KIF26B: variants seen among roughly 807,000 people sequenced by gnomAD.
The protein encoded by KIF26B is kinesin family member 26B.
Under a neutral mutation model 151.2 loss-of-function variants are expected in KIF26B, and 63 were observed. That is an observed-to-expected ratio of 0.42 (90% CI 0.34 to 0.51). The LOEUF is 0.51. Among genes scored for constraint, KIF26B ranks in the 20% least tolerant of loss-of-function variants. The pLI is 0.07. For synonymous variants in KIF26B, 1,357 were observed against 1,262.1 expected (o/e 1.08, Z -1.59); for missense variants, 2,813 against 2,913.6 (o/e 0.97, Z 0.79).
chr1:245,526,365 C>T (rs1661235912), intron 4 of KIF26B, among the ~76,000 whole-genome samples: 1 of 152,220 alleles, frequency 6.6e-6, no homozygotes, highest in African/African-American at 2.4e-5. Flanking sequence ...AACATCTGCC[C>T]AGGTCTTGGT....
chr1:245,379,372 T>C (rs1673349309), intron 3 of KIF26B, among the ~76,000 whole-genome samples: 1 of 152,168 alleles, frequency 6.6e-6, no homozygotes, highest in African/African-American at 2.4e-5. Flanking sequence ...ATTTAAAATT[T>C]TACAGCGTAG....
At chr1:245,322,254 G>T (rs1426253554) in intron 2 of KIF26B, among the ~76,000 whole-genome samples, 1 of 152,076 alleles carries the variant, frequency 6.6e-6, no homozygotes, top group Non-Finnish European at 1.5e-5. Flanking sequence ...AGAGCATTAG[G>T]ACAAATACCT....
intron 2 of KIF26B, among the ~76,000 whole-genome samples, chr1:245,219,856 G>T (rs1006355831): frequency 6.6e-6 from 1 of 152,212 alleles, no homozygotes; most frequent in African/African-American, 2.4e-5. Context: ...AGTTGGCTGC[G>T]CCAGGGGACA....
At chr1:245,261,467 T>TTCTC (rs376897211) in intron 2 of KIF26B, among the ~76,000 whole-genome samples, 1 of 112,158 alleles carries the variant, frequency 8.9e-6, no homozygotes. Flanking sequence ...TTTTCTTTCT[T>TTCTC]TCTCTCTCTC....
At chr1:245,214,710 C>T (rs61832171) in intron 2 of KIF26B, among the ~76,000 whole-genome samples, 14,675 of 151,914 alleles carry the variant, frequency 0.097, 827 homozygotes, top group Middle Eastern at 0.15. Flanking sequence ...CTTGGTGGTG[C>T]GCACCTGTAA....
intron 2 of KIF26B, among the ~76,000 whole-genome samples, chr1:245,169,640 G>A (rs1263234209): frequency 2.0e-5 from 3 of 152,026 alleles, no homozygotes; most frequent in African/African-American, 4.8e-5. Flanking sequence ...CGATACAAAG[G>A]CATGGTTTCA....
At chr1:245,556,685 A>C (rs552593206) in intron 5 of KIF26B, among the ~76,000 whole-genome samples, 4 of 139,786 alleles carry the variant, frequency 2.9e-5, no homozygotes, top group African/African-American at 1.0e-4. Flanking sequence ...TACAGGCATG[A>C]GCCACTGCAT....
intron 2 of KIF26B, among the ~76,000 whole-genome samples, chr1:245,333,789 G>T (rs2102992397): frequency 6.6e-6 from 1 of 152,290 alleles, no homozygotes; most frequent in African/African-American, 2.4e-5. Context: ...CTTGGGGTCA[G>T]GAGTTTGAGA....
At chr1:245,389,860 A>G (rs979238623) in intron 3 of KIF26B, among the ~76,000 whole-genome samples, 102 of 152,326 alleles carry the variant, frequency 6.7e-4, no homozygotes, top group East Asian at 1.9e-4. Flanking sequence ...ATTAATATTC[A>G]TCTCCCTATT....
chr1:245,259,215 ATC>A (rs1177335933), intron 2 of KIF26B, among the ~76,000 whole-genome samples: 2 of 152,062 alleles, frequency 1.3e-5, no homozygotes, highest in Non-Finnish European at 2.9e-5. Context: ...GTACATTATT[ATC>A]TCTTCATTGT....
chr1:245,672,712 G>A (rs73125129), intron 10 of KIF26B, among the ~76,000 whole-genome samples: 5,601 of 152,110 alleles, frequency 0.037, 336 homozygotes, highest in African/African-American at 0.13. Context: ...AAGTCTGGAG[G>A]CTGGAAGTAA....
intron 5 of KIF26B, among the ~76,000 whole-genome samples, chr1:245,545,802 A>AAC (rs1553286321): frequency 2.0e-5 from 3 of 151,288 alleles, no homozygotes; most frequent in African/African-American, 4.9e-5. Context: ...CTCCTAAGTC[A>AAC]GTTCTTCATG....
chr1:245,316,335 G>GT (rs1356419134), intron 2 of KIF26B, among the ~76,000 whole-genome samples: 1 of 152,028 alleles, frequency 6.6e-6, no homozygotes. Flanking sequence ...TGTTGGCCAG[G>GT]TTGGTCTTGA....
chr1:245,435,448 C>T (rs1167368510), intron 4 of KIF26B, among the ~76,000 whole-genome samples: 2 of 152,162 alleles, frequency 1.3e-5, no homozygotes. Flanking sequence ...CAGAAATGGT[C>T]TTATTGGTTC....
intron 5 of KIF26B, among the ~76,000 whole-genome samples, chr1:245,584,446 C>T (rs967213329): frequency 4.6e-5 from 7 of 152,196 alleles, no homozygotes; most frequent in Non-Finnish European, 1.0e-4. Context: ...ACTATACATG[C>T]TTCTTGACTC....
chr1:245,579,510 A>T (rs1182169776), intron 5 of KIF26B, among the ~76,000 whole-genome samples: 1 of 151,970 alleles, frequency 6.6e-6, no homozygotes, highest in African/African-American at 2.4e-5. Context: ...AAAAAAGAAA[A>T]TTTAAAAAGG....
chr1:245,202,718 C>T lies in KIF26B; in HGVS notation c.465+46035C>T, dbSNP rs1276561575. 7.0e-5 allele frequency among the ~76,000 whole-genome samples: 10 copies of T among 143,452 alleles called. No homozygotes were observed. In the East Asian group the frequency reaches 2.1e-3, roughly 31 times the overall value. 94.1% of individuals were successfully genotyped at this position (143,452 alleles called of 152,430 possible). ...GAGCTTGCAGTGAGCTGAGATCGCG[C>T]TGCTGCACTCCAGCCTGGGTGACAG... is the stretch of plus-strand genomic sequence containing the variant. On this transcript the variant is annotated intron_variant, in intron 2 of 14. Coordinates refer to ENST00000407071, the MANE Select transcript of KIF26B (RefSeq NM_018012.4).
rs1572214025 is a variant in KIF26B, at chr1:245,698,834, T to C, written c.6028-53T>C. Reference sequence around the variant, plus strand: ...ACGATACTCACAGGTGCTCCTGTGGTGTGGGCTGGGTGTGAGCAGAAGGGC... The same window carrying C: ...ACGATACTCACAGGTGCTCCTGTGGCGTGGGCTGGGTGTGAGCAGAAGGGC... On this transcript the variant is annotated intron_variant, in intron 13 of 14. Transcript: ENST00000407071. The surrounding 1 kb of genome is among the most constrained non-coding windows in gnomAD (Gnocchi z 4.0). The C allele has an allele frequency of 1.9e-6, 3 of 1,578,240 alleles. No homozygotes were observed. The highest frequency in any genetic ancestry group is 2.6e-6 in the Non-Finnish European group (3 of 1,157,576).
At position 245,625,900 on chromosome 1, in the gene KIF26B, A is replaced by G. The variant is rs545010327; in HGVS notation, c.2098+13924A>G. ...CTCCCACATATGAGTGAGAACATGC[A>G]ATATTTGTCTTTCTGTGCCTGGCTT... On this transcript the variant is annotated intron_variant, in intron 9 of 14. Coordinates refer to ENST00000407071, the MANE Select transcript of KIF26B (RefSeq NM_018012.4). Among the ~76,000 whole-genome samples, 8 of 152,148 alleles carry G rather than the reference A, an allele frequency of 5.3e-5. No homozygotes were observed. The East Asian group carries it at 1.5e-3, about 29-fold the overall frequency.
Sources: allele counts gnomAD v4.1 joint callset (sites outside exome capture counted in the v4.1 genomes callset), GRCh38; gene constraint gnomAD v4.1.1; non-coding constraint Gnocchi (gnomAD v3.1); transcripts MANE v1.5; gene names NCBI Gene and HGNC (gene_info 2026-07-23, HGNC 2026-07-21).